The following SAMD13 variants were observed in gnomAD, a reference collection of about 807,000 sequenced individuals.
SAMD13 encodes the protein sterile alpha motif domain-containing protein 13.
A neutral mutation model predicts 12.4 loss-of-function variants in SAMD13; 9 were observed. The ratio of observed to expected loss-of-function variants is 0.72; its 90% confidence interval spans 0.44 to 1.26. The LOEUF (loss-of-function observed/expected upper bound fraction) is 1.26, where lower values mean the gene tolerates loss of function less well. SAMD13 is among the 50% of genes most tolerant of loss of function. The probability of loss-of-function intolerance (pLI) is 0.00; values close to 1 mark genes in which losing one functional copy is unlikely to be tolerated. For synonymous variants in SAMD13, 46 were observed against 45.4 expected, an observed-to-expected ratio of 1.01 and a Z score of -0.05; for missense variants, 84 against 119.6, an observed-to-expected ratio of 0.70 and a Z score of 1.39.
chr1:84,322,926 T>C (rs189345398), intron 2 of SAMD13, among the ~76,000 whole-genome samples: 1 of 152,322 alleles, frequency 6.6e-6, no homozygotes, highest in Admixed American at 6.5e-5. Context: ...AAAATTACAA[T>C]GTAGCTTATT....
chr1:84,341,716 A>G (rs1015346515), intron 3 of SAMD13, among the ~76,000 whole-genome samples: 1 of 152,162 alleles, frequency 6.6e-6, no homozygotes, highest in African/African-American at 2.4e-5. Flanking sequence ...TGGAGTTGAC[A>G]TAAAAAAAAT....
At chr1:84,317,593 T>C (rs1169811510) in intron 2 of SAMD13, among the ~76,000 whole-genome samples, 3 of 152,038 alleles carry the variant, frequency 2.0e-5, no homozygotes, top group Non-Finnish European at 4.4e-5. Context: ...TTGAATTCGG[T>C]TTGCTGGTAT....
At chr1:84,305,551 T>C (rs1678551263) in intron 2 of SAMD13, among the ~76,000 whole-genome samples, 1 of 152,176 alleles carries the variant, frequency 6.6e-6, no homozygotes, top group African/African-American at 2.4e-5. Context: ...GTGCTTTTGG[T>C]GTCATATTTA....
chr1:84,322,160 A>T (rs1308878013), intron 2 of SAMD13, among the ~76,000 whole-genome samples: 2 of 152,134 alleles, frequency 1.3e-5, no homozygotes, highest in Non-Finnish European at 2.9e-5. Context: ...AGCTGTTTCC[A>T]CATCTGGTTT....
intron 3 of SAMD13, among the ~76,000 whole-genome samples, chr1:84,334,203 G>A (rs1679250708): frequency 6.6e-6 from 1 of 151,896 alleles, no homozygotes; most frequent in African/African-American, 2.4e-5. Context: ...CTGGTTGGTA[G>A]GCTTTTTATT....
chr1:84,313,875 T>C (rs1678769305), intron 2 of SAMD13, among the ~76,000 whole-genome samples: 1 of 152,050 alleles, frequency 6.6e-6, no homozygotes, highest in Admixed American at 6.6e-5. Context: ...AATGTGATGC[T>C]TTTTTTTCTT....
intron 2 of SAMD13, among the ~76,000 whole-genome samples, chr1:84,322,299 G>A (rs934537046): frequency 5.9e-5 from 9 of 152,082 alleles, no homozygotes; most frequent in Non-Finnish European, 1.3e-4. Context: ...AATAAGTATA[G>A]TGGAAAAAAA....
At chr1:84,298,707 C>T, upstream of SAMD13, 1 of 823,822 alleles carries the variant, frequency 1.2e-6, no homozygotes, top group Non-Finnish European at 1.6e-6. Flanking sequence ...GTCCGGTGCT[C>T]CTGCAGCTCG....
chr1:84,342,818 A>G (rs1679458137), intron 3 of SAMD13, among the ~76,000 whole-genome samples: 2 of 152,250 alleles, frequency 1.3e-5, no homozygotes, highest in Admixed American at 6.5e-5. Flanking sequence ...TGACGAAAAC[A>G]TCAAAAGCAA....
intron 3 of SAMD13, chr1:84,344,899 A>T (rs1206276552): frequency 2.2e-6 from 1 of 456,734 alleles, no homozygotes; most frequent in Non-Finnish European, 4.4e-6. Flanking sequence ...AACCGAACCA[A>T]AAGGGAAACA....
chr1:84,328,396 G>C (rs1191138889), intron 3 of SAMD13, among the ~76,000 whole-genome samples: 6 of 152,190 alleles, frequency 3.9e-5, no homozygotes, highest in Admixed American at 3.9e-4. Flanking sequence ...AATTCTCAAA[G>C]GATCAGAGTT....
At chr1:84,327,788 T>C (rs1247936056) in intron 3 of SAMD13, among the ~76,000 whole-genome samples, 1 of 152,160 alleles carries the variant, frequency 6.6e-6, no homozygotes, top group East Asian at 1.9e-4. Context: ...GAAATGTTAA[T>C]TGTAGCATCT....
chr1:84,313,587 C>G (rs891368158), intron 2 of SAMD13, among the ~76,000 whole-genome samples: 1 of 152,076 alleles, frequency 6.6e-6, no homozygotes, highest in African/African-American at 2.4e-5. Flanking sequence ...TCCCACATGA[C>G]AGATGCATGT....
At chr1:84,338,826 G>C (rs1282030484) in intron 3 of SAMD13, among the ~76,000 whole-genome samples, 4 of 152,068 alleles carry the variant, frequency 2.6e-5, no homozygotes, top group Non-Finnish European at 5.9e-5. Context: ...CCCATGATTA[G>C]ATTACCTCCC....
chr1:84,300,400 AT>A (rs1678428797), upstream of SAMD13, among the ~76,000 whole-genome samples: 1 of 152,292 alleles, frequency 6.6e-6, no homozygotes, highest in East Asian at 1.9e-4. Flanking sequence ...TAAAGAACAA[AT>A]TTTTTGACCT....
At chr1:84,324,122 C>A (rs61671624) in intron 2 of SAMD13, among the ~76,000 whole-genome samples, 2 of 152,176 alleles carry the variant, frequency 1.3e-5, no homozygotes, top group African/African-American at 4.8e-5. Flanking sequence ...ATACACCACC[C>A]TAGTCTACGC....
chr1:84,342,947 A>C (rs1434859619), intron 3 of SAMD13, among the ~76,000 whole-genome samples: 1 of 152,186 alleles, frequency 6.6e-6, no homozygotes, highest in African/African-American at 2.4e-5. Context: ...AAAATTTTGC[A>C]ATCTCTCCAT....
At chr1:84,301,892 GTGTTT>G (rs950661062) in intron 1 of SAMD13, 91 bp downstream of exon 1, 4 of 506,390 alleles carry the variant, frequency 7.9e-6, no homozygotes, top group Non-Finnish European at 1.0e-5. Flanking sequence ...ATCATTGTGA[GTGTTT>G]TGTTTTGTTT....
intron 3 of SAMD13, among the ~76,000 whole-genome samples, chr1:84,337,471 C>T (rs552936043): frequency 4.8e-4 from 73 of 152,332 alleles, no homozygotes; most frequent in Non-Finnish European, 6.8e-4. Flanking sequence ...TCTGAAGCCA[C>T]GACCCAAGCT....
Sources: allele counts gnomAD v4.1 joint callset (sites outside exome capture counted in the v4.1 genomes callset), GRCh38; gene constraint gnomAD v4.1.1; transcripts MANE v1.5; gene names NCBI Gene and HGNC (gene_info 2026-07-23, HGNC 2026-07-21).